Variants in CTNNA3 observed in about 807,000 individuals in gnomAD.
The protein encoded by CTNNA3 is catenin alpha 3.
Under a neutral mutation model 95.7 loss-of-function variants are expected in CTNNA3, and 76 were observed. The observed-to-expected ratio is 0.79, with a 90% CI of 0.66 to 0.96. The LOEUF is 0.96. Ranked by LOEUF, CTNNA3 falls within the 40% of genes least tolerant of loss-of-function variation. The pLI is 0.00. For missense variants in CTNNA3, 1,191 were observed against 1,089.8 expected, an observed-to-expected ratio of 1.09 and a Z score of -1.31; for synonymous variants, 431 against 374.4, an observed-to-expected ratio of 1.15 and a Z score of -1.74.
At chr10:66,346,228 TATATATATATATATATATAGAGAGAGAG>T (rs759481963) in intron 12 of CTNNA3, among the ~76,000 whole-genome samples, 712 of 45,868 alleles carry the variant, frequency 0.016, 2 homozygotes, top group East Asian at 0.087. Context: ...TATATATATA[TATATATATATATATATATAGAGAGAGAG>T]AGAGAGAGAG....
chr10:67,472,191 C>T (rs956533760), intron 5 of CTNNA3, among the ~76,000 whole-genome samples: 5 of 152,348 alleles, frequency 3.3e-5, no homozygotes, highest in Non-Finnish European at 2.9e-5. Context: ...GCAGCCTACA[C>T]TCCAGCCATA....
chr10:66,105,666 GT>G (rs1481872798), intron 13 of CTNNA3, among the ~76,000 whole-genome samples: 2 of 152,124 alleles, frequency 1.3e-5, no homozygotes, highest in Non-Finnish European at 2.9e-5. Flanking sequence ...ACATACTTCT[GT>G]GTTTTTCTTT....
intron 13 of CTNNA3, among the ~76,000 whole-genome samples, chr10:66,218,260 G>A (rs967596192): frequency 1.3e-5 from 2 of 152,044 alleles, no homozygotes; most frequent in South Asian, 2.1e-4. Context: ...AATGATCCCT[G>A]CCTCCTCCCA....
intron 7 of CTNNA3, among the ~76,000 whole-genome samples, chr10:66,859,506 T>C (rs1248148489): frequency 2.6e-5 from 4 of 152,062 alleles, no homozygotes; most frequent in Admixed American, 2.6e-4. Flanking sequence ...CATTAAAATG[T>C]CAGGAAACAA....
intron 9 of CTNNA3, among the ~76,000 whole-genome samples, chr10:66,668,870 G>A (rs540283831): frequency 6.6e-6 from 1 of 151,996 alleles, no homozygotes; most frequent in South Asian, 2.1e-4. Flanking sequence ...ATATCTCATT[G>A]TGCAAAGTTC....
At chr10:67,072,268 CTA>C (rs1163118663) in intron 7 of CTNNA3, among the ~76,000 whole-genome samples, 1 of 152,070 alleles carries the variant, frequency 6.6e-6, no homozygotes, top group Non-Finnish European at 1.5e-5. Flanking sequence ...TGATTATTTT[CTA>C]TGTGTCCCAC....
chr10:67,305,314 T>C (rs1208974888), intron 5 of CTNNA3, among the ~76,000 whole-genome samples: 1 of 147,158 alleles, frequency 6.8e-6, no homozygotes, highest in Non-Finnish European at 1.5e-5. Flanking sequence ...TGTATACATA[T>C]GTAACTAACC....
chr10:66,775,060 C>T (rs1840239075), intron 8 of CTNNA3, among the ~76,000 whole-genome samples: 1 of 152,116 alleles, frequency 6.6e-6, no homozygotes, highest in South Asian at 2.1e-4. Flanking sequence ...GATCAACATT[C>T]CCTAAAAACT....
At chr10:66,083,451 G>T (rs56169116) in intron 14 of CTNNA3, among the ~76,000 whole-genome samples, 36,518 of 152,004 alleles carry the variant, frequency 0.24, 4,469 homozygotes, top group Admixed American at 0.26. Flanking sequence ...TTGGTTTCAC[G>T]TGAGGGTCAA....
At chr10:67,345,745 G>A (rs1842389904) in intron 5 of CTNNA3, among the ~76,000 whole-genome samples, 2 of 151,948 alleles carry the variant, frequency 1.3e-5, no homozygotes, top group South Asian at 2.1e-4. Context: ...TTTTTGTAAG[G>A]CACAGATCAA....
chr10:66,440,993 C>T (rs1189390156), intron 11 of CTNNA3, among the ~76,000 whole-genome samples: 1 of 151,956 alleles, frequency 6.6e-6, no homozygotes, highest in African/African-American at 2.4e-5. Context: ...TGAGTTCCTA[C>T]TATGTACTTC....
chr10:66,349,340 T>C (rs1357736980), intron 12 of CTNNA3, among the ~76,000 whole-genome samples: 1 of 152,048 alleles, frequency 6.6e-6, no homozygotes, highest in Non-Finnish European at 1.5e-5. Context: ...GACACCTTGA[T>C]TGCTTTCTAA....
chr10:67,003,913 C>T lies in CTNNA3; in HGVS notation c.1047+176404G>A, dbSNP rs187187272. Among the ~76,000 whole-genome samples the T allele has an allele frequency of 6.6e-5, 10 of 152,202 alleles. No homozygotes were observed. In the East Asian group the frequency reaches 1.9e-3, roughly 29 times the overall value. On this transcript the variant is annotated intron_variant, in intron 7 of 17. Transcript: ENST00000433211. ...GAAGAGAATAAACTGTGAGACTATA[C>T]CTTGCACATGTTTTTTATTGCATGA...
At chr10:67,413,391 C>G (rs548704912) in intron 5 of CTNNA3, among the ~76,000 whole-genome samples, 15 of 152,172 alleles carry the variant, frequency 9.9e-5, no homozygotes, top group African/African-American at 3.6e-4. Context: ...GACAAGAAGC[C>G]TTAACTATAC....
At chr10:66,297,398 G>A (rs150621393) in intron 12 of CTNNA3, among the ~76,000 whole-genome samples, 1 of 151,968 alleles carries the variant, frequency 6.6e-6, no homozygotes, top group East Asian at 1.9e-4. Context: ...TACATGGAAA[G>A]AAACTTCCTG....
chr10:67,482,837 G>T (rs1424585139), intron 5 of CTNNA3, among the ~76,000 whole-genome samples: 1 of 152,170 alleles, frequency 6.6e-6, no homozygotes, highest in Non-Finnish European at 1.5e-5. Flanking sequence ...AGTTTTCAAA[G>T]GGAATGCTTC....
At chr10:66,391,105 A>G (rs2092930568) in intron 11 of CTNNA3, among the ~76,000 whole-genome samples, 1 of 152,116 alleles carries the variant, frequency 6.6e-6, no homozygotes, top group Non-Finnish European at 1.5e-5. Context: ...AAGTTTTGTT[A>G]AACTTTAACA....
rs578080978 is a variant in CTNNA3 at position 66,281,316 on chromosome 10, C to T, written c.1733-695G>A. Among the ~76,000 whole-genome samples, 30 of 151,928 alleles carry T rather than the reference C, an allele frequency of 2.0e-4. No individual in the cohort carries two copies. The South Asian group carries it at 5.6e-3, about 28-fold the overall frequency. Reference sequence around the variant, plus strand: ...AAAATAGTTTCAAATAAAAACGCTTCTTCAATTTTACTTTTAAGGTTAATG... The same window carrying T: ...AAAATAGTTTCAAATAAAAACGCTTTTTCAATTTTACTTTTAAGGTTAATG... On this transcript the variant is annotated intron_variant, in intron 12 of 17. Coordinates refer to ENST00000433211, the MANE Select transcript of CTNNA3 (RefSeq NM_013266.4).
At position 66,078,073 on chromosome 10, in the gene CTNNA3, T is replaced by C. The variant is rs1000516794; in HGVS notation, c.1978-8584A>G. On this transcript the variant is annotated intron_variant, in intron 14 of 17. Coordinates refer to ENST00000433211, the MANE Select transcript of CTNNA3 (RefSeq NM_013266.4). Reference sequence around the variant, plus strand: ...CCTTTTTCCACTTGATATCTTACTTTTGTCTTCCAACAACAGGCAAGTACT... The same window carrying C: ...CCTTTTTCCACTTGATATCTTACTTCTGTCTTCCAACAACAGGCAAGTACT... Among the ~76,000 whole-genome samples the C allele has an allele frequency of 8.6e-5, 13 of 151,934 alleles. No individual in the cohort carries two copies. The South Asian group carries it at 1.5e-3, about 17-fold the overall frequency.
Sources: allele counts gnomAD v4.1 joint callset (sites outside exome capture counted in the v4.1 genomes callset), GRCh38; gene constraint gnomAD v4.1.1; transcripts MANE v1.5; gene names NCBI Gene and HGNC (gene_info 2026-07-23, HGNC 2026-07-21).